Variants in BBS9 observed in about 807,000 individuals in gnomAD.
The protein encoded by BBS9 is Bardet-Biedl syndrome 9, also known as protein PTHB1.
In BBS9, 89 loss-of-function variants were observed where a neutral mutation model predicts 117.7. The ratio of observed to expected loss-of-function variants is 0.76; its 90% CI spans 0.64 to 0.90. The LOEUF (loss-of-function observed/expected upper bound fraction) is 0.90, where lower values mean the gene tolerates loss of function less well. BBS9 is among the 40% of genes least tolerant of loss of function. The pLI, the probability that BBS9 is intolerant of heterozygous loss-of-function variation, is 0.00. For missense variants in BBS9, 982 were observed against 1,042.2 expected (o/e 0.94, Z 0.80); for synonymous variants, 379 against 370.9 (o/e 1.02, Z -0.25).
At chr7:33,402,016 T>C (rs2128792985) in intron 19 of BBS9, among the ~76,000 whole-genome samples, 1 of 152,324 alleles carries the variant, frequency 6.6e-6, no homozygotes, top group African/African-American at 2.4e-5. Context: ...ACTTTATGGT[T>C]TGTAGAGTGT....
chr7:33,408,662 G>T (rs1830538968), intron 19 of BBS9, among the ~76,000 whole-genome samples: 1 of 152,142 alleles, frequency 6.6e-6, no homozygotes, highest in Non-Finnish European at 1.5e-5. Flanking sequence ...TGAATAATGT[G>T]GTGATGAACA....
rs145329613 is a variant in BBS9, at chr7:33,455,613, G to T, written c.2116-49850G>T. Among the ~76,000 whole-genome samples the T allele has an allele frequency of 5.1e-3, 779 of 152,126 alleles. 8 individuals are homozygous for T. The highest frequency in any genetic ancestry group is 0.017 in the African/African-American group (703 of 41,486). On this transcript the variant is annotated intron_variant, in intron 19 of 22. Transcript: ENST00000242067. ...GCTTTACTTCACCAAAACTATCCCC[G>T]CACCAATGATTAACAGGTGACTATG... is the stretch of plus-strand genomic sequence containing the variant.
chr7:33,455,329 C>A (rs1037128649), intron 19 of BBS9, among the ~76,000 whole-genome samples: 3 of 152,150 alleles, frequency 2.0e-5, no homozygotes, highest in Admixed American at 6.5e-5. Flanking sequence ...GTCAGGAAAC[C>A]TCAGTTTCTG....
At chr7:33,132,426 C>A (rs1209875121) in intron 1 of BBS9, among the ~76,000 whole-genome samples, 2 of 152,168 alleles carry the variant, frequency 1.3e-5, no homozygotes, top group Non-Finnish European at 2.9e-5. Context: ...TTAGTAGATA[C>A]TTTCCTTTAA....
chr7:33,402,922 C>T (rs1829168859), intron 19 of BBS9, among the ~76,000 whole-genome samples: 3 of 152,068 alleles, frequency 2.0e-5, no homozygotes, highest in South Asian at 4.2e-4. Flanking sequence ...ATGTTTAGTT[C>T]CTACTTATAA....
intron 20 of BBS9, among the ~76,000 whole-genome samples, chr7:33,509,054 G>A (rs375140966): frequency 6.6e-6 from 1 of 151,990 alleles, no homozygotes; most frequent in Non-Finnish European, 1.5e-5. Context: ...TTCTGAATTC[G>A]GTGAGATTAG....
chr7:33,392,624 C>T (rs1286346336), intron 19 of BBS9, among the ~76,000 whole-genome samples: 1 of 152,166 alleles, frequency 6.6e-6, no homozygotes, highest in African/African-American at 2.4e-5. Context: ...TTTTTATAAT[C>T]TATCCTCCTT....
At chr7:33,564,705 T>C (rs934843407) in intron 21 of BBS9, among the ~76,000 whole-genome samples, 3 of 152,150 alleles carry the variant, frequency 2.0e-5, no homozygotes, top group Admixed American at 6.5e-5. Context: ...GGAAAAGAGG[T>C]GAAAATGTAA....
chr7:33,493,008 T>C (rs1042153378), intron 19 of BBS9, among the ~76,000 whole-genome samples: 1 of 152,084 alleles, frequency 6.6e-6, no homozygotes, highest in African/African-American at 2.4e-5. Context: ...TTCTTTCTTC[T>C]TTTTCAGATG....
At chr7:33,293,075 C>T (rs933736886) in intron 9 of BBS9, among the ~76,000 whole-genome samples, 2 of 151,550 alleles carry the variant, frequency 1.3e-5, no homozygotes, top group Non-Finnish European at 2.9e-5. Flanking sequence ...TTTATACCAA[C>T]AGTCATGAGT....
At chr7:33,329,118 T>A (rs1265020024) in intron 9 of BBS9, among the ~76,000 whole-genome samples, 1 of 152,096 alleles carries the variant, frequency 6.6e-6, no homozygotes, top group African/African-American at 2.4e-5. Context: ...CCTCCCGGAT[T>A]CAAGTGATTG....
At chr7:33,610,008 A>G (rs1222366730), downstream of BBS9, among the ~76,000 whole-genome samples, 2 of 152,074 alleles carry the variant, frequency 1.3e-5, no homozygotes, top group African/African-American at 4.8e-5. Flanking sequence ...CAGAAGAGAC[A>G]GTAGTTTTCA....
chr7:33,163,782 C>T (rs1370358931), intron 4 of BBS9, among the ~76,000 whole-genome samples: 1 of 152,154 alleles, frequency 6.6e-6, no homozygotes, highest in African/African-American at 2.4e-5. Context: ...AAAAAACCAG[C>T]TCCTGGATTC....
intron 5 of BBS9, among the ~76,000 whole-genome samples, chr7:33,209,441 G>T (rs181576119): frequency 6.6e-6 from 1 of 152,226 alleles, no homozygotes; most frequent in South Asian, 2.1e-4. Flanking sequence ...ACTGATTTTC[G>T]TTCTTTTGGG....
intron 5 of BBS9, among the ~76,000 whole-genome samples, chr7:33,201,252 G>T (rs1434175611): frequency 5.3e-5 from 8 of 152,070 alleles, no homozygotes; most frequent in Non-Finnish European, 1.2e-4. Context: ...TCTATGCCTG[G>T]TGTCCCCCTA....
At chr7:33,350,292 A>G (rs1226678462) in intron 13 of BBS9, among the ~76,000 whole-genome samples, 1 of 152,210 alleles carries the variant, frequency 6.6e-6, no homozygotes, top group African/African-American at 2.4e-5. Context: ...GAATTCAACA[A>G]ATCTTTGCAG....
chr7:33,393,294 C>A (rs764708201), intron 19 of BBS9, among the ~76,000 whole-genome samples: 10 of 152,142 alleles, frequency 6.6e-5, no homozygotes, highest in East Asian at 1.9e-4. Flanking sequence ...ATGGTCAGTT[C>A]TTTGAAGGAT....
At chr7:33,264,073 T>A (rs1000113363) in intron 6 of BBS9, among the ~76,000 whole-genome samples, 2 of 152,090 alleles carry the variant, frequency 1.3e-5, no homozygotes, top group African/African-American at 4.8e-5. Flanking sequence ...CACTGAATAA[T>A]GGACATATGG....
intron 20 of BBS9, among the ~76,000 whole-genome samples, chr7:33,506,824 A>C (rs926503527): frequency 1.3e-5 from 2 of 152,214 alleles, no homozygotes; most frequent in Non-Finnish European, 2.9e-5. Context: ...ATATATTATA[A>C]GGTGATTGAC....
Sources: gnomAD v4.1 joint callset for allele counts (sites outside exome capture counted in the v4.1 genomes callset) on GRCh38, gnomAD v4.1.1 for gene constraint, MANE v1.5 for transcripts, NCBI Gene and HGNC (gene_info 2026-07-23, HGNC 2026-07-21) for gene names.